SYT14: variants seen among roughly 807,000 people sequenced by gnomAD.
SYT14 encodes synaptotagmin 14.
SYT14 carries 32 observed loss-of-function variants against 74.2 expected under a neutral mutation model. The ratio of observed to expected loss-of-function variants is 0.43; its 90% CI spans 0.33 to 0.58. The LOEUF is 0.58. Among genes scored for constraint, SYT14 ranks in the 20% least tolerant of loss-of-function variants. The pLI is 0.05. For synonymous variants in SYT14, 298 were observed against 337.7 expected, an observed-to-expected ratio of 0.88 and a Z score of 1.29; for missense variants, 791 against 981.8, an observed-to-expected ratio of 0.81 and a Z score of 2.60.
At chr1:209,943,313 TG>T (rs969231445) in intron 1 of SYT14, among the ~76,000 whole-genome samples, 2 of 152,014 alleles carry the variant, frequency 1.3e-5, no homozygotes, top group Non-Finnish European at 2.9e-5. Context: ...GAGACCAGCC[TG>T]GCCAACATGG....
chr1:210,065,973 G>C, intron 5 of SYT14, among the ~76,000 whole-genome samples: 1 of 151,474 alleles, frequency 6.6e-6, no homozygotes, highest in Non-Finnish European at 1.5e-5. Context: ...GAGAACGTGT[G>C]GCGTTTGGTT....
At chr1:209,975,256 G>A (rs1322292984) in intron 2 of SYT14, among the ~76,000 whole-genome samples, 2 of 152,030 alleles carry the variant, frequency 1.3e-5, no homozygotes, top group African/African-American at 4.8e-5. Flanking sequence ...TAATAGGAGT[G>A]GTGAGAGAGG....
At chr1:210,082,351 A>G (rs2081631905) in intron 5 of SYT14, among the ~76,000 whole-genome samples, 1 of 152,180 alleles carries the variant, frequency 6.6e-6, no homozygotes, top group African/African-American at 2.4e-5. Context: ...AGCAAAGTTG[A>G]GAACCGAAGA....
exon 4 of SYT14, chr1:210,016,665 A>T: frequency 8.1e-7 from 1 of 1,231,900 alleles, no homozygotes. Flanking sequence ...GGTACAGATA[A>T]TTGTAAAAAG....
chr1:210,014,277 A>G (rs2080141640), intron 3 of SYT14, among the ~76,000 whole-genome samples: 1 of 152,012 alleles, frequency 6.6e-6, no homozygotes, highest in African/African-American at 2.4e-5. Context: ...TAGTAACTTA[A>G]TTTATATATA....
At chr1:209,948,562 G>C (rs1403578595) in intron 1 of SYT14, among the ~76,000 whole-genome samples, 4 of 152,170 alleles carry the variant, frequency 2.6e-5, no homozygotes, top group African/African-American at 7.2e-5. Flanking sequence ...TATTATCTCC[G>C]CAAGTATAGT....
At position 210,099,143 on chromosome 1, in the gene SYT14, A is replaced by G. The variant is rs144382369; in HGVS notation, c.1585-869A>G. ...AGAATTATTTAAGATTTATTAAAAT[A>G]CTTGAAGAGGCAAAGTGGTATAGTT... On this transcript the variant is annotated intron_variant, in intron 6 of 9. Transcript: ENST00000637265. Among the ~76,000 whole-genome samples the G allele has an allele frequency of 1.4e-3, 217 of 152,338 alleles. 1 individual carries two copies. The highest frequency in any genetic ancestry group is 4.8e-3 in the African/African-American group (201 of 41,588).
At chr1:210,113,932 G>A (rs1475412277) in intron 7 of SYT14, among the ~76,000 whole-genome samples, 1 of 151,284 alleles carries the variant, frequency 6.6e-6, no homozygotes. Context: ...AAAGAAAATA[G>A]GCCCTTGAAA....
At chr1:210,162,388 T>G (rs1017266633) in exon 10 of SYT14, 9 of 420,558 alleles carry the variant, frequency 2.1e-5, no homozygotes, top group Non-Finnish European at 4.2e-5. Flanking sequence ...TGTGCTAACT[T>G]TTTAATGGCA....
chr1:209,989,308 A>G (rs2079624552), intron 2 of SYT14, among the ~76,000 whole-genome samples: 1 of 152,222 alleles, frequency 6.6e-6, no homozygotes, highest in African/African-American at 2.4e-5. Flanking sequence ...TTACACAGGA[A>G]CTGAGAGTCC....
At chr1:210,045,278 A>G (rs776898631) in intron 5 of SYT14, among the ~76,000 whole-genome samples, 53 of 152,224 alleles carry the variant, frequency 3.5e-4, no homozygotes, top group Admixed American at 4.6e-4. Flanking sequence ...TATTCATAAT[A>G]GTGCTAAATA....
chr1:210,149,235 A>G (rs1019923968), intron 7 of SYT14, among the ~76,000 whole-genome samples: 2 of 127,612 alleles, frequency 1.6e-5, no homozygotes, highest in Non-Finnish European at 3.1e-5. Context: ...CCCAGGCTGG[A>G]GTACAATGGC....
chr1:210,154,334 G>A (rs1271963677), intron 7 of SYT14, among the ~76,000 whole-genome samples: 6 of 152,140 alleles, frequency 3.9e-5, no homozygotes, highest in African/African-American at 1.2e-4. Flanking sequence ...CAGTGGGCTA[G>A]CGAACATTAC....
rs561065495 is a variant in SYT14, at chr1:210,163,736, G to C, written c.*2694G>C. ...AAAAGTTGTCTGTTCTTTTAGAAAAGGATTAAATAAGGCTCAGGGGACCCA... is the reference window on the plus strand; with the variant it reads ...AAAAGTTGTCTGTTCTTTTAGAAAACGATTAAATAAGGCTCAGGGGACCCA... On this transcript the variant is annotated 3_prime_UTR_variant, in exon 10 of 10. Coordinates refer to ENST00000637265, the Ensembl canonical transcript of SYT14. 4 of 451,100 alleles carry C rather than the reference G, an allele frequency of 8.9e-6. No homozygotes were observed. In the Admixed American group the frequency reaches 9.5e-5, roughly 11 times the overall value. The allele number at this position is 451,100 out of a possible 1,614,324, so 27.9% of individuals were successfully genotyped here.
At chr1:210,089,208 C>G (rs574800938) in intron 5 of SYT14, among the ~76,000 whole-genome samples, 1 of 152,336 alleles carries the variant, frequency 6.6e-6, no homozygotes, top group East Asian at 1.9e-4. Flanking sequence ...AGGACATGAA[C>G]TCATCCTTTT....
exon 8 of SYT14, chr1:210,155,904 C>T: frequency 1.2e-6 from 2 of 1,614,000 alleles, no homozygotes; most frequent in Non-Finnish European, 1.7e-6. Context: ...AGCAAACAGA[C>T]CACCCAGTGA....
At chr1:210,017,952 C>T (rs764594399) in intron 4 of SYT14, among the ~76,000 whole-genome samples, 11 of 152,038 alleles carry the variant, frequency 7.2e-5, no homozygotes, top group East Asian at 1.9e-4. Flanking sequence ...AGCAGAATAG[C>T]GGTAATGAGG....
exon 7 of SYT14, chr1:210,100,052 C>T (rs2082034752): frequency 1.2e-6 from 2 of 1,614,032 alleles, no homozygotes; most frequent in Non-Finnish European, 1.7e-6. Flanking sequence ...CTTCCTAAAC[C>T]TTTTGATCCT....
intron 2 of SYT14, chr1:209,965,877 C>CTTTTT: frequency 2.5e-6 from 1 of 405,382 alleles, no homozygotes; most frequent in Non-Finnish European, 4.9e-6. Context: ...TTTTGAACTT[C>CTTTTT]TTTTTTTTTT....
Sources: allele counts gnomAD v4.1 joint callset (sites outside exome capture counted in the v4.1 genomes callset), GRCh38; gene constraint gnomAD v4.1.1; transcripts MANE v1.5; gene names NCBI Gene and HGNC (gene_info 2026-07-23, HGNC 2026-07-21).